SHLD1: variants seen among roughly 807,000 people sequenced by gnomAD.
SHLD1 encodes the protein RINN1-REV7-interacting novel NHEJ regulator 3.
A neutral mutation model predicts 5.5 loss-of-function variants in SHLD1; 3 were observed. The ratio of observed to expected loss-of-function variants is 0.54; its 90% CI spans 0.25 to 1.40. The LOEUF is 1.40. SHLD1 is among the 40% of genes most tolerant of loss of function. The pLI is 0.15. For synonymous variants in SHLD1, 92 were observed against 94.3 expected (o/e 0.98, Z 0.14); for missense variants, 210 against 244.4 (o/e 0.86, Z 0.94).
chr20:5,751,309 C>T (rs6107683), intron 1 of SHLD1, among the ~76,000 whole-genome samples: 62,787 of 151,808 alleles, frequency 0.41, 14,985 homozygotes, highest in African/African-American at 0.66. Flanking sequence ...GACTTTTGTT[C>T]TTTTTTTAAA....
chr20:5,794,595 G>A (rs141981064), intron 2 of SHLD1, among the ~76,000 whole-genome samples: 100 of 152,178 alleles, frequency 6.6e-4, no homozygotes, highest in African/African-American at 2.3e-3. Context: ...TCTCTTCATT[G>A]TGAGTGTCAT....
chr20:5,824,921 A>C (rs1289427347), intron 2 of SHLD1, among the ~76,000 whole-genome samples: 5 of 152,166 alleles, frequency 3.3e-5, no homozygotes, highest in Non-Finnish European at 7.3e-5. Flanking sequence ...TTCCTTTTCA[A>C]AACCACAGGA....
At chr20:5,856,635 A>G (rs575281379) in intron 2 of SHLD1, among the ~76,000 whole-genome samples, 43 of 152,358 alleles carry the variant, frequency 2.8e-4, no homozygotes, top group African/African-American at 9.6e-4. Flanking sequence ...GACTTCTGTC[A>G]TAAGATGAAT....
intron 2 of SHLD1, among the ~76,000 whole-genome samples, chr20:5,774,500 G>A (rs1985336813): frequency 6.6e-6 from 1 of 152,094 alleles, no homozygotes; most frequent in African/African-American, 2.4e-5. Flanking sequence ...CCTGAGACTG[G>A]GTAATTTATA....
At chr20:5,841,534 A>G (rs1019187619) in intron 2 of SHLD1, among the ~76,000 whole-genome samples, 2 of 152,136 alleles carry the variant, frequency 1.3e-5, no homozygotes, top group Non-Finnish European at 2.9e-5. Context: ...GCATCCTTCA[A>G]ATTTGTATTC....
intron 2 of SHLD1, among the ~76,000 whole-genome samples, chr20:5,818,518 A>G (rs1218570889): frequency 6.6e-6 from 1 of 152,176 alleles, no homozygotes; most frequent in African/African-American, 2.4e-5. Flanking sequence ...TACCCATTTT[A>G]TAGGTTAAAT....
chr20:5,823,737 C>T (rs1019813517), intron 2 of SHLD1, among the ~76,000 whole-genome samples: 4 of 152,096 alleles, frequency 2.6e-5, no homozygotes, highest in Non-Finnish European at 5.9e-5. Flanking sequence ...CATGAGTCAC[C>T]GCGCCCAGCC....
intron 1 of SHLD1, among the ~76,000 whole-genome samples, chr20:5,759,975 T>C (rs1016848405): frequency 7.3e-6 from 1 of 137,428 alleles, no homozygotes; most frequent in Non-Finnish European, 1.5e-5. Flanking sequence ...TCATTCTCTG[T>C]CTCTGTATTT....
chr20:5,833,785 G>A (rs1442749378), intron 2 of SHLD1, among the ~76,000 whole-genome samples: 1 of 144,078 alleles, frequency 6.9e-6, no homozygotes. Flanking sequence ...CAGAGATAGG[G>A]AGAAAAAGAG....
intron 2 of SHLD1, among the ~76,000 whole-genome samples, chr20:5,832,778 T>G (rs2087743741): frequency 6.7e-6 from 1 of 150,036 alleles, no homozygotes; most frequent in African/African-American, 2.5e-5. Context: ...CCCCTGAACT[T>G]AAAAGCTGGA....
chr20:5,859,877 G>C (rs1191287259), intron 2 of SHLD1, among the ~76,000 whole-genome samples: 1 of 152,158 alleles, frequency 6.6e-6, no homozygotes, highest in African/African-American at 2.4e-5. Flanking sequence ...AGCCTCTTTT[G>C]TGGACACTGG....
intron 2 of SHLD1, among the ~76,000 whole-genome samples, chr20:5,808,145 T>C (rs1255686894): frequency 6.6e-6 from 1 of 152,042 alleles, no homozygotes; most frequent in African/African-American, 2.4e-5. Context: ...CTGGGCATGG[T>C]GGCACACACC....
At chr20:5,753,082 A>G (rs1009050930) in intron 1 of SHLD1, among the ~76,000 whole-genome samples, 2 of 152,178 alleles carry the variant, frequency 1.3e-5, no homozygotes, top group African/African-American at 2.4e-5. Context: ...TACAGGCATG[A>G]GCCACCGCAC....
At chr20:5,796,670 A>G (rs2087216935) in intron 2 of SHLD1, among the ~76,000 whole-genome samples, 1 of 151,978 alleles carries the variant, frequency 6.6e-6, no homozygotes, top group Admixed American at 6.6e-5. Flanking sequence ...CTACAAAAAA[A>G]TACAAAAAAT....
intron 1 of SHLD1, among the ~76,000 whole-genome samples, chr20:5,751,036 G>A (rs986617060): frequency 3.3e-5 from 5 of 151,966 alleles, no homozygotes; most frequent in Non-Finnish European, 4.4e-5. Context: ...GGGTTTTTTT[G>A]TTGTTGTTGA....
intron 2 of SHLD1, among the ~76,000 whole-genome samples, chr20:5,825,834 T>G (rs2087659205): frequency 6.6e-6 from 1 of 152,270 alleles, no homozygotes; most frequent in Non-Finnish European, 1.5e-5. Flanking sequence ...TGATCTTATC[T>G]GCTGCAAGAG....
intron 1 of SHLD1, among the ~76,000 whole-genome samples, chr20:5,755,622 T>C (rs1035591058): frequency 5.9e-5 from 9 of 151,886 alleles, no homozygotes; most frequent in African/African-American, 2.2e-4. Context: ...TGGAATGGTG[T>C]CATCTAGGCT....
At chr20:5,854,614 G>A (rs2088057338) in intron 2 of SHLD1, among the ~76,000 whole-genome samples, 3 of 152,330 alleles carry the variant, frequency 2.0e-5, no homozygotes, top group South Asian at 4.1e-4. Context: ...AAGGGAGATA[G>A]CGACAGCCAA....
chr20:5,772,185 C>G (rs1375354394), intron 1 of SHLD1: 1 of 454,174 alleles, frequency 2.2e-6, no homozygotes, highest in Admixed American at 2.4e-5. Flanking sequence ...CAACTTTTAC[C>G]TTTTTGCCTA....
Sources: gnomAD v4.1 joint callset for allele counts (sites outside exome capture counted in the v4.1 genomes callset) on GRCh38, gnomAD v4.1.1 for gene constraint, MANE v1.5 for transcripts, NCBI Gene and HGNC (gene_info 2026-07-23, HGNC 2026-07-21) for gene names.